The following CSMD1 variants were observed in gnomAD, a reference collection of about 807,000 sequenced individuals.
CSMD1 encodes CUB and sushi domain-containing protein 1.
In CSMD1, 213 loss-of-function variants were observed where a neutral mutation model predicts 417.5. The ratio of observed to expected loss-of-function variants is 0.51; its 90% CI spans 0.46 to 0.57. The LOEUF (loss-of-function observed/expected upper bound fraction) is 0.57, where lower values mean the gene tolerates loss of function less well. Ranked by LOEUF, CSMD1 falls within the 20% of genes least tolerant of loss-of-function variation. CSMD1 has a pLI of 0.00. For synonymous variants in CSMD1, 2,862 were observed against 1,736.8 expected, an observed-to-expected ratio of 1.65 and a Z score of -16.11; for missense variants, 6,923 against 4,529.7, an observed-to-expected ratio of 1.53 and a Z score of -15.17.
chr8:3,932,081 G>C (rs564716501), intron 5 of CSMD1, among the ~76,000 whole-genome samples: 1 of 150,346 alleles, frequency 6.7e-6, no homozygotes, highest in Admixed American at 6.6e-5. Context: ...ATATCTATTG[G>C]AATGACACAC....
intron 54 of CSMD1, among the ~76,000 whole-genome samples, 187 bp downstream of exon 54, chr8:2,997,824 C>T (rs772576902): frequency 7.9e-5 from 12 of 152,062 alleles, no homozygotes; most frequent in Non-Finnish European, 1.8e-4. Flanking sequence ...CATCTGGCCA[C>T]GAGACAGGAA....
At chr8:4,214,959 C>T (rs781413993) in intron 3 of CSMD1, among the ~76,000 whole-genome samples, 3 of 152,168 alleles carry the variant, frequency 2.0e-5, no homozygotes, top group Non-Finnish European at 4.4e-5. Flanking sequence ...GCTCACTTCA[C>T]GTGAGATACA....
intron 26 of CSMD1, among the ~76,000 whole-genome samples, chr8:3,275,000 G>C (rs1585888480): frequency 6.7e-6 from 1 of 149,450 alleles, no homozygotes; most frequent in Admixed American, 6.7e-5. Flanking sequence ...TTGCTCGTTA[G>C]TTGATGCAGT....
chr8:4,530,379 A>T (rs1251895297), intron 2 of CSMD1, among the ~76,000 whole-genome samples: 1 of 114,492 alleles, frequency 8.7e-6, no homozygotes, highest in Non-Finnish European at 1.6e-5. Flanking sequence ...CTGAACGTGC[A>T]GGTTTGTTAC....
chr8:3,582,666 T>C (rs1800433381), intron 9 of CSMD1, among the ~76,000 whole-genome samples: 2 of 152,114 alleles, frequency 1.3e-5, no homozygotes, highest in African/African-American at 2.4e-5. Flanking sequence ...AAGTAGAAAA[T>C]GCACACTGGA....
At chr8:3,390,573 T>A (rs1171437908) in intron 17 of CSMD1, among the ~76,000 whole-genome samples, 1 of 151,914 alleles carries the variant, frequency 6.6e-6, no homozygotes, top group Non-Finnish European at 1.5e-5. Context: ...AAACGACGTG[T>A]ATATTCAGAG....
At chr8:4,508,375 G>A (rs1185480597) in intron 2 of CSMD1, among the ~76,000 whole-genome samples, 2 of 152,118 alleles carry the variant, frequency 1.3e-5, no homozygotes, top group Non-Finnish European at 2.9e-5. Context: ...TCAAATATCA[G>A]TGTTAATTTT....
At chr8:2,994,155 A>G (rs1806660365) in intron 54 of CSMD1, among the ~76,000 whole-genome samples, 1 of 147,800 alleles carries the variant, frequency 6.8e-6, no homozygotes, top group South Asian at 2.1e-4. Flanking sequence ...CAAAAAAAAA[A>G]AAAAAAAAAA....
chr8:4,713,947 C>G (rs1808477944), intron 1 of CSMD1, among the ~76,000 whole-genome samples: 2 of 152,008 alleles, frequency 1.3e-5, no homozygotes, highest in Non-Finnish European at 2.9e-5. Flanking sequence ...GAGTTCAAAA[C>G]CAGCCTGGCC....
intron 1 of CSMD1, among the ~76,000 whole-genome samples, chr8:4,690,873 T>C (rs561811845): frequency 1.3e-4 from 20 of 152,234 alleles, no homozygotes; most frequent in African/African-American, 4.6e-4. Flanking sequence ...GGACTATAGG[T>C]GCATGTCACC....
At chr8:3,181,594 G>C (rs1291676838) in intron 36 of CSMD1, among the ~76,000 whole-genome samples, 1 of 152,162 alleles carries the variant, frequency 6.6e-6, no homozygotes, top group Non-Finnish European at 1.5e-5. Flanking sequence ...GGTTGAGGGA[G>C]CAGTCGGACC....
At chr8:4,414,950 T>G (rs1399813724) in intron 3 of CSMD1, among the ~76,000 whole-genome samples, 1 of 152,128 alleles carries the variant, frequency 6.6e-6, no homozygotes, top group Non-Finnish European at 1.5e-5. Flanking sequence ...CTCCCTGCAT[T>G]TATTTTGGGA....
chr8:3,988,174 G>C (rs928642704), intron 5 of CSMD1, among the ~76,000 whole-genome samples: 5 of 152,084 alleles, frequency 3.3e-5, no homozygotes, highest in African/African-American at 9.7e-5. Context: ...AACTAAATCA[G>C]AGTCTCTAAG....
At chr8:4,396,211 C>T (rs1296857005) in intron 3 of CSMD1, among the ~76,000 whole-genome samples, 1 of 151,986 alleles carries the variant, frequency 6.6e-6, no homozygotes, top group Non-Finnish European at 1.5e-5. Flanking sequence ...ACGCCAATCC[C>T]AGCACTTTGG....
intron 2 of CSMD1, among the ~76,000 whole-genome samples, chr8:4,583,452 T>C (rs1366618159): frequency 1.3e-5 from 2 of 152,110 alleles, no homozygotes; most frequent in South Asian, 2.1e-4. Flanking sequence ...ACTCTGTATC[T>C]AGCTGCTCTG....
intron 7 of CSMD1, among the ~76,000 whole-genome samples, chr8:3,645,547 G>C (rs17066722): frequency 0.075 from 11,413 of 152,294 alleles, 457 homozygotes; most frequent in Middle Eastern, 0.14. Flanking sequence ...AGCTGCAGGA[G>C]AGATCATGGG....
At chr8:4,891,669 T>G (rs1261761663) in intron 1 of CSMD1, among the ~76,000 whole-genome samples, 1 of 152,132 alleles carries the variant, frequency 6.6e-6, no homozygotes, top group Non-Finnish European at 1.5e-5. Flanking sequence ...AAACACTATG[T>G]ATTTATCCTA....
chr8:3,418,532 C>T (rs1217916288), intron 12 of CSMD1, among the ~76,000 whole-genome samples: 1 of 152,112 alleles, frequency 6.6e-6, no homozygotes, highest in East Asian at 1.9e-4. Context: ...GACGGTCCCG[C>T]TGATCTAGTA....
chr8:4,161,303 T>C (rs761885327), intron 3 of CSMD1, among the ~76,000 whole-genome samples: 31 of 152,178 alleles, frequency 2.0e-4, no homozygotes, highest in Non-Finnish European at 4.4e-5. Context: ...ACATAATTGA[T>C]AAGAAACAGT....
Sources: allele counts gnomAD v4.1 joint callset (sites outside exome capture counted in the v4.1 genomes callset), GRCh38; gene constraint gnomAD v4.1.1; transcripts MANE v1.5; gene names NCBI Gene and HGNC (gene_info 2026-07-23, HGNC 2026-07-21).